MITF: variants seen among roughly 807,000 people sequenced by gnomAD.
MITF encodes microphthalmia-associated transcription factor.
Under a neutral mutation model 60.5 loss-of-function variants are expected in MITF, and 17 were observed. The observed-to-expected ratio is 0.28, with a 90% CI of 0.19 to 0.42. The LOEUF is 0.42. Ranked by LOEUF, MITF falls within the 10% of genes least tolerant of loss-of-function variation. The pLI is 1.00. For missense variants in MITF, 622 were observed against 683.5 expected (o/e 0.91, Z 1.00); for synonymous variants, 260 against 248.5 (o/e 1.05, Z -0.43).
In MITF at chr3:69,745,737, T is replaced by C. The variant is rs560794591; in HGVS notation, c.104+6036T>C. On this transcript the variant is annotated intron_variant, in intron 1 of 9. Transcript: ENST00000352241. ...TTTAGAGGGAGCCCTGCTTAAGTGC[T>C]GTCTGTGGTCGCTGCTTTGCCACTT... is the stretch of plus-strand genomic sequence containing the variant. 3.3e-5 allele frequency among the ~76,000 whole-genome samples: 5 copies of C among 152,296 alleles called. No individual in the cohort carries two copies. In the East Asian group the frequency reaches 9.6e-4, roughly 29 times the overall value.
intron 2 of MITF, among the ~76,000 whole-genome samples, chr3:69,880,902 A>G (rs1248600899): frequency 2.0e-5 from 3 of 152,050 alleles, no homozygotes; most frequent in African/African-American, 7.2e-5. Flanking sequence ...CTAGTGGGTT[A>G]TATCCAACTG....
intron 1 of MITF, among the ~76,000 whole-genome samples, chr3:69,877,106 C>T (rs2064371622): frequency 6.6e-6 from 1 of 152,092 alleles, no homozygotes; most frequent in South Asian, 2.1e-4. Context: ...TAAATTCCCT[C>T]TTGTTACATA....
rs572405323 is a variant in MITF, at chr3:69,893,419, C to G, written c.354+14036C>G. Among the ~76,000 whole-genome samples, 42 of 152,148 alleles carry G rather than the reference C, an allele frequency of 2.8e-4. 1 individual carries two copies. Among genetic ancestry groups the G allele is most frequent in the African/African-American group, 1.0e-3 (42 of 41,512 alleles). ...GGCGATATCCATATGTTTTCTCAAC[C>G]TGAATTCCCTTGTTTGCATAACAGA... On this transcript the variant is annotated intron_variant, in intron 2 of 9. Transcript: ENST00000352241.
chr3:69,901,091 C>T (rs959210586), intron 2 of MITF, among the ~76,000 whole-genome samples: 1 of 151,288 alleles, frequency 6.6e-6, no homozygotes, highest in Non-Finnish European at 1.5e-5. Flanking sequence ...ACAGTATAAC[C>T]TTTTATATTT....
At chr3:69,809,898 C>T (rs1367137347) in intron 1 of MITF, among the ~76,000 whole-genome samples, 9 of 152,160 alleles carry the variant, frequency 5.9e-5, no homozygotes, top group African/African-American at 2.2e-4. Flanking sequence ...TTATGCGTCT[C>T]TCTTCTTTTG....
chr3:69,955,823 ATAAATGC>A (rs2066383713), intron 7 of MITF, among the ~76,000 whole-genome samples: 1 of 152,182 alleles, frequency 6.6e-6, no homozygotes, highest in African/African-American at 2.4e-5. Flanking sequence ...CAATAAATAA[ATAAATGC>A]TAAAAAAAAA....
At chr3:69,780,566 G>T (rs1477341408) in intron 1 of MITF, among the ~76,000 whole-genome samples, 1 of 152,098 alleles carries the variant, frequency 6.6e-6, no homozygotes, top group Non-Finnish European at 1.5e-5. Context: ...CTAGCTTGGG[G>T]TCTCTCATGG....
intron 1 of MITF, among the ~76,000 whole-genome samples, chr3:69,876,703 G>T (rs926426161): frequency 6.6e-6 from 1 of 152,098 alleles, no homozygotes; most frequent in African/African-American, 2.4e-5. Context: ...AGGAAAGAGG[G>T]TTTGTGTTTT....
intron 1 of MITF, among the ~76,000 whole-genome samples, chr3:69,854,429 A>G (rs1238356821): frequency 6.6e-6 from 1 of 152,166 alleles, no homozygotes; most frequent in Admixed American, 6.5e-5. Flanking sequence ...TATACTTTAA[A>G]TCACCTGCAG....
rs202135701 is a variant in MITF, at chr3:69,845,438, C to CTTTTTTTTTTTTTTTTTTTT, written c.105-33693_105-33692insTTTTTTTTTTTTTTTTTTTT. Among the ~76,000 whole-genome samples the CTTTTTTTTTTTTTTTTTTTT allele has an allele frequency of 7.2e-4, 96 of 133,634 alleles. 1 individual carries two copies. Among genetic ancestry groups the CTTTTTTTTTTTTTTTTTTTT allele is most frequent in the Middle Eastern group, 4.1e-3 (1 of 244 alleles). The allele number at this position is 133,634 out of a possible 152,430, so 87.7% of individuals were successfully genotyped here. On this transcript the variant is annotated intron_variant, in intron 1 of 9. Coordinates refer to ENST00000352241, the MANE Select transcript of MITF (RefSeq NM_001354604.2). ...TCTTTTCTTTTCTTTTTTCTTTTTT[C>CTTTTTTTTTTTTTTTTTTTT]TTTCTTTTTTTTTTTTTTGCTATTT...
intron 5 of MITF, among the ~76,000 whole-genome samples, chr3:69,948,077 T>C (rs1200053414): frequency 6.6e-6 from 1 of 152,212 alleles, no homozygotes; most frequent in Non-Finnish European, 1.5e-5. Context: ...ATGGGAGGGC[T>C]AAACGACTTA....
chr3:69,862,992 C>CTGTG (rs112179482), intron 1 of MITF, among the ~76,000 whole-genome samples: 121 of 150,244 alleles, frequency 8.1e-4, no homozygotes, highest in African/African-American at 2.5e-3. Flanking sequence ...CTCTTTCCCT[C>CTGTG]TGTGTGTGTG....
intron 1 of MITF, among the ~76,000 whole-genome samples, chr3:69,832,938 A>G (rs1220793543): frequency 1.3e-5 from 2 of 151,290 alleles, no homozygotes; most frequent in African/African-American, 4.8e-5. Context: ...ACCTGGTTAG[A>G]CTGTATGTAG....
intron 1 of MITF, among the ~76,000 whole-genome samples, chr3:69,782,363 A>G (rs2062579550): frequency 6.6e-6 from 1 of 152,216 alleles, no homozygotes; most frequent in Non-Finnish European, 1.5e-5. Flanking sequence ...GACCCTTATA[A>G]TAGAATAATA....
intron 6 of MITF, among the ~76,000 whole-genome samples, chr3:69,951,093 C>CTTTTT (rs527693480): frequency 9.2e-5 from 10 of 108,924 alleles, no homozygotes; most frequent in African/African-American, 1.4e-4. Context: ...AATTTGGCAG[C>CTTTTT]TTTTTTTTTT....
intron 1 of MITF, among the ~76,000 whole-genome samples, chr3:69,800,589 G>C (rs2106949249): frequency 6.6e-6 from 1 of 152,196 alleles, no homozygotes; most frequent in African/African-American, 2.4e-5. Flanking sequence ...GTGTCAGGGT[G>C]CCAGTTTTTC....
At chr3:69,796,817 G>C (rs2062839516) in intron 1 of MITF, among the ~76,000 whole-genome samples, 2 of 152,186 alleles carry the variant, frequency 1.3e-5, no homozygotes, top group African/African-American at 4.8e-5. Flanking sequence ...ACCTGGGACA[G>C]AGTGATTTGT....
intron 1 of MITF, among the ~76,000 whole-genome samples, chr3:69,745,671 A>G (rs1332805704): frequency 6.6e-6 from 1 of 152,120 alleles, no homozygotes; most frequent in African/African-American, 2.4e-5. Context: ...GCACCTGATG[A>G]TACCTCATGG....
chr3:69,928,375 A>G (rs1235430838), intron 2 of MITF, among the ~76,000 whole-genome samples: 1 of 152,170 alleles, frequency 6.6e-6, no homozygotes, highest in Non-Finnish European at 1.5e-5. Flanking sequence ...CACTTGCGCC[A>G]CCATCATTCT....
Sources: allele counts gnomAD v4.1 joint callset (sites outside exome capture counted in the v4.1 genomes callset), GRCh38; gene constraint gnomAD v4.1.1; transcripts MANE v1.5; gene names NCBI Gene and HGNC (gene_info 2026-07-23, HGNC 2026-07-21).